CKMT2: variants seen among roughly 807,000 people sequenced by gnomAD.
CKMT2 encodes the protein creatine kinase, mitochondrial 2.
Under a neutral mutation model 48.9 loss-of-function variants are expected in CKMT2, and 43 were observed. That is an observed-to-expected ratio of 0.88 (90% CI 0.69 to 1.13). The LOEUF (loss-of-function observed/expected upper bound fraction) is 1.13. CKMT2 is among the 50% of genes most tolerant of loss of function. The probability of loss-of-function intolerance (pLI) is 0.00; values close to 1 mark genes in which losing one functional copy is unlikely to be tolerated. For missense variants in CKMT2, 472 were observed against 555.4 expected (o/e 0.85, Z 1.51); for synonymous variants, 206 against 213.0 (o/e 0.97, Z 0.29).
In CKMT2 at chr5:81,244,408, G is replaced by A. The variant is rs182605040; in HGVS notation, c.-20-6705G>A. ...CTGATGATGCTGGAGGTCTTAGCCT[G>A]GTTGTAAGACAAAGTAAAATCAGAC... On this transcript the variant is annotated intron_variant, in intron 1 of 9. Coordinates refer to ENST00000254035, the MANE Select transcript of CKMT2 (RefSeq NM_001099735.2). 1.8e-3 allele frequency among the ~76,000 whole-genome samples: 267 copies of A among 152,268 alleles called. 2 individuals carry two copies. Among genetic ancestry groups the A allele is most frequent in the African/African-American group, 6.2e-3 (259 of 41,568 alleles).
chr5:81,245,543 G>A (rs1756579544), intron 1 of CKMT2: 1 of 152,314 alleles, frequency 6.6e-6, no homozygotes, highest in South Asian at 2.1e-4. Context: ...TGAGAGAGCA[G>A]CTACATCTGA....
chr5:81,241,590 T>A (rs1490133170), intron 1 of CKMT2, among the ~76,000 whole-genome samples: 4 of 152,214 alleles, frequency 2.6e-5, no homozygotes, highest in Admixed American at 6.5e-5. Context: ...TTGAGTTTTA[T>A]TTTTCCTTTT....
intron 1 of CKMT2, chr5:81,245,330 C>G (rs2112792234): frequency 6.6e-6 from 1 of 152,302 alleles, no homozygotes; most frequent in Non-Finnish European, 1.5e-5. Flanking sequence ...GGTGTGCGTT[C>G]AAATTCCATC....
chr5:81,255,295 G>A (rs971854900), intron 5 of CKMT2, 81 bp downstream of exon 5: 3 of 1,278,476 alleles, frequency 2.3e-6, no homozygotes, highest in Middle Eastern at 2.2e-4. Context: ...CTGGTGCTCT[G>A]CTCAGTCCTT....
intron 3 of CKMT2, 138 bp downstream of exon 3, chr5:81,253,031 G>A (rs2112806649): frequency 1.2e-6 from 1 of 865,264 alleles, no homozygotes; most frequent in Non-Finnish European, 1.9e-6. Context: ...AGGGAAGCCA[G>A]CTCCAGCAGA....
chr5:81,252,041 T>C (rs1756834117), intron 2 of CKMT2: 1 of 155,456 alleles, frequency 6.4e-6, no homozygotes, highest in African/African-American at 2.4e-5. Flanking sequence ...AAAAGGGATA[T>C]CATAGTACTG....
In CKMT2 at chr5:81,259,280, G is replaced by A. The variant is rs539150866; in HGVS notation, c.1014+26G>A. ...GTACTGTTATGTGCCCAGTGGCCCT[G>A]ATGGGCCAGGATCAGCTCAGATGCG... On this transcript the variant is annotated intron_variant, in intron 8 of 9. Transcript: ENST00000254035. 226 of 1,604,886 alleles carry A rather than the reference G, an allele frequency of 1.4e-4. 2 individuals carry two copies. In the South Asian group the frequency reaches 2.5e-3, roughly 18 times the overall value.
At chr5:81,251,722 A>C (rs1313776868) in intron 2 of CKMT2, among the ~76,000 whole-genome samples, 1 of 152,226 alleles carries the variant, frequency 6.6e-6, no homozygotes, top group Non-Finnish European at 1.5e-5. Flanking sequence ...ACCGAAAATC[A>C]TTTTGAGACT....
At chr5:81,266,026 T>G in intron 9 of CKMT2, 113 bp from the exon 10 acceptor site, 7 of 855,584 alleles carry the variant, frequency 8.2e-6, no homozygotes, top group Non-Finnish European at 1.3e-5. Context: ...AAGGAATTGT[T>G]GTGAAGTCCA....
chr5:81,251,062 G>GGCT (rs1756794836), intron 1 of CKMT2, 51 bp from the exon 2 acceptor site: 1 of 1,467,152 alleles, frequency 6.8e-7, no homozygotes, highest in East Asian at 2.3e-5. Flanking sequence ...CCTATGTTGT[G>GGCT]GCTCAGGGTC....
intron 6 of CKMT2, 139 bp from the exon 7 acceptor site, chr5:81,257,594 C>T: frequency 3.3e-6 from 2 of 612,372 alleles, no homozygotes; most frequent in Non-Finnish European, 2.7e-6. Context: ...CATACTTGTT[C>T]AGGCACAGTT....
intron 1 of CKMT2, 135 bp downstream of exon 1, chr5:81,233,512 A>G: frequency 1.7e-6 from 1 of 585,752 alleles, no homozygotes; most frequent in Non-Finnish European, 2.2e-6. Flanking sequence ...CGAGGAGGCA[A>G]TGGTGACTCG....
At chr5:81,234,983 T>A (rs1234508143) in intron 1 of CKMT2, among the ~76,000 whole-genome samples, 1 of 152,014 alleles carries the variant, frequency 6.6e-6, no homozygotes, top group Non-Finnish European at 1.5e-5. Context: ...CTGCTGGAGG[T>A]CACACTAACC....
At chr5:81,258,023 TAGAGTAGCTGGG>T in intron 7 of CKMT2, 167 bp downstream of exon 7, 2 of 553,206 alleles carry the variant, frequency 3.6e-6, no homozygotes, top group Admixed American at 6.5e-5. Flanking sequence ...CCTCAGCCTC[TAGAGTAGCTGGG>T]ATTACAGGTG....
chr5:81,262,798 T>A (rs1392514690), intron 8 of CKMT2, among the ~76,000 whole-genome samples: 2 of 152,202 alleles, frequency 1.3e-5, no homozygotes, highest in Non-Finnish European at 2.9e-5. Context: ...GAACCAGAAA[T>A]ACCATTTGAC....
intron 7 of CKMT2, among the ~76,000 whole-genome samples, chr5:81,258,115 G>C (rs1757080461): frequency 6.6e-6 from 1 of 152,118 alleles, no homozygotes; most frequent in Non-Finnish European, 1.5e-5. Context: ...GGCCAGACTA[G>C]CCTCGAACTC....
At chr5:81,251,613 CAAAA>C (rs907097325) in intron 2 of CKMT2, among the ~76,000 whole-genome samples, 8 of 151,156 alleles carry the variant, frequency 5.3e-5, no homozygotes, top group Non-Finnish European at 1.2e-4. Context: ...AAAACAAAAA[CAAAA>C]AAAAATCTTC....
At chr5:81,237,135 C>T (rs950028629) in intron 1 of CKMT2, among the ~76,000 whole-genome samples, 3 of 152,094 alleles carry the variant, frequency 2.0e-5, no homozygotes, top group South Asian at 2.1e-4. Flanking sequence ...GGTGACAGAG[C>T]GAGACTCTTT....
intron 4 of CKMT2, chr5:81,254,741 C>G (rs113338206): frequency 3.4e-6 from 2 of 595,854 alleles, no homozygotes. Context: ...AAAGCTACTC[C>G]CTTTTTCATC....
Sources: gnomAD v4.1 joint callset for allele counts (sites outside exome capture counted in the v4.1 genomes callset) on GRCh38, gnomAD v4.1.1 for gene constraint, MANE v1.5 for transcripts, NCBI Gene and HGNC (gene_info 2026-07-23, HGNC 2026-07-21) for gene names.